RSRC1: variants seen among roughly 807,000 people sequenced by gnomAD.
The protein encoded by RSRC1 is serine/Arginine-related protein 53.
In RSRC1, 39 loss-of-function variants were observed where a neutral mutation model predicts 49.1. That is an observed-to-expected ratio of 0.79 (90% CI 0.61 to 1.04). The LOEUF is 1.04. Among genes scored for constraint, RSRC1 ranks in the 50% least tolerant of loss-of-function variants. The pLI is 0.00. For synonymous variants in RSRC1, 143 were observed against 130.8 expected (o/e 1.09, Z -0.63); for missense variants, 388 against 402.4 (o/e 0.96, Z 0.31).
At chr3:158,143,610 G>C (rs1029235320) in intron 3 of RSRC1, among the ~76,000 whole-genome samples, 1 of 151,946 alleles carries the variant, frequency 6.6e-6, no homozygotes, top group Non-Finnish European at 1.5e-5. Flanking sequence ...AATTTTTTTA[G>C]GCAATAGTGA....
chr3:158,424,252 C>A (rs1301407981), intron 6 of RSRC1, among the ~76,000 whole-genome samples: 1 of 151,864 alleles, frequency 6.6e-6, no homozygotes, highest in Non-Finnish European at 1.5e-5. Flanking sequence ...AGATACGTCC[C>A]ATCAATACCT....
chr3:158,543,750 T>C (rs1713171022), intron 9 of RSRC1: 2 of 56,662 alleles, frequency 3.5e-5, no homozygotes, highest in South Asian at 6.9e-4. Flanking sequence ...CATTTTTTCC[T>C]TTTTTTTTTT....
At chr3:158,130,359 A>G (rs1185311336) in intron 3 of RSRC1, among the ~76,000 whole-genome samples, 1 of 152,158 alleles carries the variant, frequency 6.6e-6, no homozygotes, top group Admixed American at 6.5e-5. Context: ...ATTTTGTTAA[A>G]TTTATTTCCA....
At chr3:158,472,003 A>G (rs1738150593) in intron 7 of RSRC1, among the ~76,000 whole-genome samples, 1 of 152,160 alleles carries the variant, frequency 6.6e-6, no homozygotes, top group Non-Finnish European at 1.5e-5. Context: ...TCACTCTGCA[A>G]ACAATTATTT....
intron 4 of RSRC1, among the ~76,000 whole-genome samples, chr3:158,217,970 CAG>C (rs2108295273): frequency 6.6e-6 from 1 of 151,328 alleles, no homozygotes; most frequent in Non-Finnish European, 1.5e-5. Flanking sequence ...AAGAAAATTA[CAG>C]AGAGAGGAAA....
At chr3:158,469,467 C>G (rs930945715) in intron 7 of RSRC1, 3 of 386,044 alleles carry the variant, frequency 7.8e-6, no homozygotes, top group Non-Finnish European at 1.5e-5. Context: ...CATGCAAAGT[C>G]TTATACTATA....
chr3:158,216,312 A>T (rs575991438), intron 4 of RSRC1, among the ~76,000 whole-genome samples: 40 of 150,988 alleles, frequency 2.6e-4, no homozygotes, highest in East Asian at 5.8e-4. Context: ...CTCTTTTTTT[A>T]AAAAAAATCT....
At chr3:158,489,966 G>A (rs1374420254) in intron 7 of RSRC1, among the ~76,000 whole-genome samples, 1 of 152,124 alleles carries the variant, frequency 6.6e-6, no homozygotes, top group Non-Finnish European at 1.5e-5. Context: ...CCATTATGTG[G>A]TGAAAAAACA....
chr3:158,398,623 C>G (rs1383837152), intron 6 of RSRC1, among the ~76,000 whole-genome samples: 1 of 152,144 alleles, frequency 6.6e-6, no homozygotes, highest in Non-Finnish European at 1.5e-5. Flanking sequence ...GACATTCAAA[C>G]CATAGCAGGG....
At chr3:158,527,899 A>G (rs1712142928) in intron 7 of RSRC1, among the ~76,000 whole-genome samples, 1 of 151,972 alleles carries the variant, frequency 6.6e-6, no homozygotes, top group Non-Finnish European at 1.5e-5. Context: ...ATGAGAAATC[A>G]TAACAATATC....
At chr3:158,482,125 G>C (rs1738635523) in intron 7 of RSRC1, among the ~76,000 whole-genome samples, 1 of 151,966 alleles carries the variant, frequency 6.6e-6, no homozygotes, top group South Asian at 2.1e-4. Context: ...AATAAAAATA[G>C]TTTTATTGAA....
intron 6 of RSRC1, among the ~76,000 whole-genome samples, chr3:158,407,118 A>T (rs1734195313): frequency 6.6e-6 from 1 of 152,090 alleles, no homozygotes; most frequent in Admixed American, 6.6e-5. Flanking sequence ...TTTATCACAG[A>T]CTCAAAACTA....
intron 4 of RSRC1, among the ~76,000 whole-genome samples, chr3:158,257,967 T>C (rs1724664709): frequency 6.6e-6 from 1 of 152,034 alleles, no homozygotes. Flanking sequence ...TTTTTAACCT[T>C]GTCCTGTCTC....
intron 7 of RSRC1, among the ~76,000 whole-genome samples, chr3:158,522,612 G>C (rs1181932512): frequency 6.6e-6 from 1 of 152,112 alleles, no homozygotes; most frequent in Non-Finnish European, 1.5e-5. Context: ...ATGGAAAGGA[G>C]ATTATAATTG....
chr3:158,339,585 G>T lies in RSRC1; in HGVS notation c.532-15272G>T, dbSNP rs140981102. On this transcript the variant is annotated intron_variant, in intron 5 of 9. Coordinates refer to ENST00000611884, the MANE Select transcript of RSRC1 (RefSeq NM_001271838.2). ...AAACATCCAGCTCTTTGAGTTGGATGAATCCTTCCTAAGAGATAGATTTCA... is the reference window on the plus strand; with the variant it reads ...AAACATCCAGCTCTTTGAGTTGGATTAATCCTTCCTAAGAGATAGATTTCA... Among the ~76,000 whole-genome samples, 3 of 152,232 alleles carry T rather than the reference G, an allele frequency of 2.0e-5. No homozygotes were observed. The East Asian group carries it at 5.8e-4, about 29-fold the overall frequency.
At chr3:158,513,355 C>G (rs1282989021) in intron 7 of RSRC1, among the ~76,000 whole-genome samples, 1 of 152,148 alleles carries the variant, frequency 6.6e-6, no homozygotes, top group Non-Finnish European at 1.5e-5. Context: ...AAGGCCTTTT[C>G]TGCATCTATT....
chr3:158,113,493 T>A (rs1022561897), intron 1 of RSRC1, among the ~76,000 whole-genome samples: 1 of 151,502 alleles, frequency 6.6e-6, no homozygotes, highest in Non-Finnish European at 1.5e-5. Context: ...CTCAGCCTCC[T>A]GAGTAGCTGG....
chr3:158,225,887 G>T (rs1272579610), intron 4 of RSRC1, among the ~76,000 whole-genome samples: 1 of 151,922 alleles, frequency 6.6e-6, no homozygotes, highest in Non-Finnish European at 1.5e-5. Context: ...AGAAAACATT[G>T]AGATAACAGA....
At chr3:158,451,663 C>A (rs1737043881) in intron 6 of RSRC1, among the ~76,000 whole-genome samples, 1 of 152,040 alleles carries the variant, frequency 6.6e-6, no homozygotes, top group Admixed American at 6.6e-5. Context: ...CATACAAACT[C>A]ATAATGCCTT....
Sources: allele counts gnomAD v4.1 joint callset (sites outside exome capture counted in the v4.1 genomes callset), GRCh38; gene constraint gnomAD v4.1.1; transcripts MANE v1.5; gene names NCBI Gene and HGNC (gene_info 2026-07-23, HGNC 2026-07-21).